CDKN2B-AS1: variants seen among roughly 807,000 people sequenced by gnomAD.
The protein encoded by CDKN2B-AS1 is CDKN2B antisense RNA 1 (non-protein coding).
In CDKN2B-AS1 at chr9:22,000,801, G is replaced by A. The variant is rs1820885720; in HGVS notation, n.29+5640G>A. Among the ~76,000 whole-genome samples the A allele has an allele frequency of 6.6e-6, 1 of 152,072 alleles. No individual in the cohort carries two copies. The highest frequency in any genetic ancestry group is 1.5e-5 in the Non-Finnish European group (1 of 67,966). On this transcript the variant is annotated intron_variant and non_coding_transcript_variant, in intron 1 of 4. Transcript: ENST00000650946. The surrounding 1 kb of genome is among the most constrained non-coding windows in gnomAD (Gnocchi z 4.1). Reference sequence around the variant, plus strand: ...CTTGCAGCTTAATTAAAGAAAAAATGCAAGTATCTTATTTATACTAAGAGA... The same window carrying A: ...CTTGCAGCTTAATTAAAGAAAAAATACAAGTATCTTATTTATACTAAGAGA...
intron 1 of CDKN2B-AS1, chr9:22,029,607 TG>T (rs1281386055): frequency 4.3e-6 from 3 of 695,806 alleles, no homozygotes; most frequent in Non-Finnish European, 5.4e-6. Flanking sequence ...AAGTGCTGTT[TG>T]GGAAACCATC....
chr9:22,005,679 T>C lies in CDKN2B-AS1; in HGVS notation n.29+10518T>C, dbSNP rs1821137999. On this transcript the variant is annotated intron_variant and non_coding_transcript_variant, in intron 1 of 4. Transcript: ENST00000650946. The surrounding 1 kb of genome is among the most constrained non-coding windows in gnomAD (Gnocchi z 4.9). ...ACCAGGTCCAGTCAAGGATTTCATA[T>C]GCACTTTCCCTCAGAAAACCCTGAA... The C allele has an allele frequency of 3.9e-6, 2 of 514,054 alleles. No homozygotes were observed. Among genetic ancestry groups the C allele is most frequent in the Non-Finnish European group, 3.5e-6 (1 of 281,768 alleles). The allele number at this position is 514,054 out of a possible 1,614,324, so 31.8% of individuals were successfully genotyped here.
At chr9:22,058,891 A>G in intron 4 of CDKN2B-AS1, 1 of 209,714 alleles carries the variant, frequency 4.8e-6, no homozygotes. Flanking sequence ...CAGCAAGAGA[A>G]AAATGAGGAA....
rs368814059 is a variant in CDKN2B-AS1, at chr9:22,003,180, G to C, written n.29+8019G>C. Reference sequence around the variant, plus strand: ...CTAAACCTGTCTGCCAGGTGGCTTCGAAAATGGAATTAATTTTTACATGGC... The same window carrying C: ...CTAAACCTGTCTGCCAGGTGGCTTCCAAAATGGAATTAATTTTTACATGGC... On this transcript the variant is annotated intron_variant and non_coding_transcript_variant, in intron 1 of 4. Transcript: ENST00000650946. The C allele has an allele frequency of 2.8e-5, 6 of 216,046 alleles. No homozygotes were observed. The South Asian group carries it at 7.4e-4, about 27-fold the overall frequency. 13.4% of individuals were successfully genotyped at this position (216,046 alleles called of 1,614,324 possible).
At chr9:22,004,796 C>T (rs1821084076) in intron 1 of CDKN2B-AS1, 2 of 233,020 alleles carry the variant, frequency 8.6e-6, no homozygotes, top group African/African-American at 2.2e-5. Flanking sequence ...GTGCATCTAT[C>T]TTCTAAAAGA....
chr9:22,030,420 C>T (rs1390715388), intron 1 of CDKN2B-AS1: 1 of 152,136 alleles, frequency 6.6e-6, no homozygotes, highest in East Asian at 1.9e-4. Context: ...TTAGTTTGTA[C>T]TTCCTATCTG....
At chr9:22,034,950 T>C (rs1587435320) in intron 1 of CDKN2B-AS1, among the ~76,000 whole-genome samples, 1 of 152,162 alleles carries the variant, frequency 6.6e-6, no homozygotes, top group South Asian at 2.1e-4. Context: ...TCTAGTTGGG[T>C]AGTTTTAGGA....
chr9:22,031,758 T>C (rs1298823632), intron 1 of CDKN2B-AS1, among the ~76,000 whole-genome samples: 1 of 152,162 alleles, frequency 6.6e-6, no homozygotes, highest in Non-Finnish European at 1.5e-5. Flanking sequence ...TCCACTTGAG[T>C]ATCTTGCTCA....
At chr9:22,081,882 T>C (rs941279076) in intron 4 of CDKN2B-AS1, among the ~76,000 whole-genome samples, 2 of 152,244 alleles carry the variant, frequency 1.3e-5, no homozygotes, top group African/African-American at 4.8e-5. Context: ...GGGGTTGTTG[T>C]GTTCTACAAA....
chr9:22,088,241 T>C (rs781336320), intron 4 of CDKN2B-AS1, among the ~76,000 whole-genome samples: 3 of 152,278 alleles, frequency 2.0e-5, no homozygotes, highest in East Asian at 1.9e-4. Context: ...ATTGCTGGGA[T>C]TATGAAAGGT....
intron 1 of CDKN2B-AS1, among the ~76,000 whole-genome samples, chr9:22,020,228 G>C (rs1315812023): frequency 6.6e-6 from 1 of 152,170 alleles, no homozygotes; most frequent in Non-Finnish European, 1.5e-5. Context: ...TGGCTGCATA[G>C]TATTCCATGG....
chr9:22,077,957 C>G (rs1281612608), intron 4 of CDKN2B-AS1: 1 of 152,066 alleles, frequency 6.6e-6, no homozygotes, highest in Non-Finnish European at 1.5e-5. Flanking sequence ...TACCATAGAC[C>G]ATAATTTTTC....
In CDKN2B-AS1 at chr9:22,012,222, T is replaced by A; in HGVS notation, n.29+17061T>A. On this transcript the variant is annotated intron_variant and non_coding_transcript_variant, in intron 1 of 4. Transcript: ENST00000650946. The stretch of plus-strand genomic sequence containing the variant: ...CTTGAGGTCGAGCCCAGTGACACCA[T>A]TGAGAATGTCAGTGCGAAAATTCAA... 14 of 1,412,290 alleles carry A rather than the reference T, an allele frequency of 9.9e-6. No individual in the cohort carries two copies. The South Asian group carries it at 1.6e-4, about 16-fold the overall frequency. The allele number at this position is 1,412,290 out of a possible 1,614,324, so 87.5% of individuals were successfully genotyped here.
intron 4 of CDKN2B-AS1, among the ~76,000 whole-genome samples, chr9:22,101,096 G>C (rs1164785251): frequency 6.6e-6 from 1 of 152,082 alleles, no homozygotes; most frequent in Non-Finnish European, 1.5e-5. Flanking sequence ...ATTTATTTCT[G>C]TATTTATGAA....
At chr9:22,021,845 A>G (rs922297416) in intron 1 of CDKN2B-AS1, among the ~76,000 whole-genome samples, 1 of 152,048 alleles carries the variant, frequency 6.6e-6, no homozygotes, top group Non-Finnish European at 1.5e-5. Context: ...GAAGTGTTGA[A>G]TAGAAACTAA....
At chr9:22,104,064 C>T (rs1428021853) in intron 4 of CDKN2B-AS1, among the ~76,000 whole-genome samples, 1 of 152,134 alleles carries the variant, frequency 6.6e-6, no homozygotes, top group Non-Finnish European at 1.5e-5. Context: ...AATAATTTCT[C>T]TCAATTTTTT....
At chr9:22,082,599 A>G (rs1368403429) in intron 4 of CDKN2B-AS1, among the ~76,000 whole-genome samples, 1 of 152,224 alleles carries the variant, frequency 6.6e-6, no homozygotes, top group African/African-American at 2.4e-5. Flanking sequence ...CCAGTACTTT[A>G]TTGCTATCGG....
chr9:22,092,122 G>A (rs1045005022), intron 4 of CDKN2B-AS1, among the ~76,000 whole-genome samples: 1 of 152,100 alleles, frequency 6.6e-6, no homozygotes, highest in African/African-American at 2.4e-5. Flanking sequence ...GCTGGATTAT[G>A]TTTATTGATT....
At chr9:22,123,523 A>G (rs1359080395) in intron 4 of CDKN2B-AS1, among the ~76,000 whole-genome samples, 1 of 152,178 alleles carries the variant, frequency 6.6e-6, no homozygotes, top group African/African-American at 2.4e-5. Flanking sequence ...TTGCACCAAA[A>G]GAGGTGAGGG....
Sources: allele counts gnomAD v4.1 joint callset (sites outside exome capture counted in the v4.1 genomes callset), GRCh38; gene constraint gnomAD v4.1.1; non-coding constraint Gnocchi (gnomAD v3.1); transcripts MANE v1.5; gene names NCBI Gene and HGNC (gene_info 2026-07-23, HGNC 2026-07-21).